The following OGG1 variants were observed in gnomAD, a reference collection of about 807,000 sequenced individuals.
The protein encoded by OGG1 is N-glycosylase/DNA lyase.
Under a neutral mutation model 42.3 loss-of-function variants are expected in OGG1, and 35 were observed. That is an observed-to-expected ratio of 0.83 (90% CI 0.63 to 1.10). OGG1 has a LOEUF of 1.10. Among genes scored for constraint, OGG1 ranks in the 50% least tolerant of loss-of-function variants. OGG1 has a pLI of 0.00. For synonymous variants in OGG1, 189 were observed against 179.0 expected (o/e 1.06, Z -0.44); for missense variants, 484 against 446.7 (o/e 1.08, Z -0.75).
chr3:9,754,649 G>A, intron 3 of OGG1, 55 bp from the exon 4 acceptor site: 1 of 1,591,332 alleles, frequency 6.3e-7, no homozygotes. Flanking sequence ...ACTAGCCTAA[G>A]GACAGGAAGA....
chr3:9,750,261 A>C lies in OGG1; in HGVS notation c.-26A>C. 6.2e-7 allele frequency: 1 copy of C among 1,601,174 alleles called. No individual in the cohort carries two copies. The highest frequency in any genetic ancestry group is 8.5e-7 in the Non-Finnish European group (1 of 1,173,222). ...GGCCTGGTTCTGGGTAGGCGGGGCTACTACGGGGCGGTGCCTGCTGTGGAA... is the reference window on the plus strand; with the variant it reads ...GGCCTGGTTCTGGGTAGGCGGGGCTCCTACGGGGCGGTGCCTGCTGTGGAA... On this transcript the variant is annotated 5_prime_UTR_variant, in exon 1 of 7. Coordinates refer to ENST00000344629, the MANE Select transcript of OGG1 (RefSeq NM_002542.6).
chr3:9,789,384 G>A, downstream of OGG1: 1 of 832,368 alleles, frequency 1.2e-6, no homozygotes, highest in Non-Finnish European at 1.9e-6. Context: ...GGCACTGATG[G>A]AGCAGACAGC....
At chr3:9,773,680 TTTTA>T (rs1393529263) in intron 2 of OGG1, among the ~76,000 whole-genome samples, 5 of 151,408 alleles carry the variant, frequency 3.3e-5, no homozygotes, top group Middle Eastern at 6.8e-3. Context: ...CCATCAATTC[TTTTA>T]TTTATTTATT....
At chr3:9,765,417 A>G (rs1294202990) in intron 7 of OGG1, among the ~76,000 whole-genome samples, 3 of 152,064 alleles carry the variant, frequency 2.0e-5, no homozygotes, top group African/African-American at 7.2e-5. Context: ...AGTGGTTTTA[A>G]TATGTGAGGG....
chr3:9,780,155 C>A (rs760494473), intron 2 of OGG1: 2 of 506,476 alleles, frequency 3.9e-6, no homozygotes, highest in Admixed American at 3.6e-5. Flanking sequence ...GAGACTAGGC[C>A]TCAGGCTAGC....
At chr3:9,763,868 C>G (rs764759668) in intron 7 of OGG1, among the ~76,000 whole-genome samples, 1 of 152,174 alleles carries the variant, frequency 6.6e-6, no homozygotes, top group Non-Finnish European at 1.5e-5. Context: ...TGCCTGTAAT[C>G]CCAGCTATCT....
downstream of OGG1, chr3:9,757,657 G>T (rs375777594): frequency 6.2e-7 from 1 of 1,614,060 alleles, no homozygotes; most frequent in Admixed American, 1.7e-5. The surrounding 1 kb of genome is among the most constrained non-coding windows in gnomAD (Gnocchi z 4.5). Flanking sequence ...GGCCGCAGGG[G>T]CAGGCCCTCC....
Position 9,754,794 on chromosome 3 carries a change from A to G in OGG1, c.656A>G (p.Gln219Arg), listed in dbSNP as rs888583444. 12 of 1,613,624 alleles carry G rather than the reference A, an allele frequency of 7.4e-6. No individual in the cohort carries two copies. The highest frequency in any genetic ancestry group is 1.6e-4 in the Middle Eastern group (1 of 6,084). Residue 219 changes from glutamine to arginine, a missense_variant, in exon 4 of 7, where the codon CAG (glutamine) becomes CGG (arginine). Gln to Arg is a conservative substitution (Grantham distance 43). Coordinates refer to ENST00000344629, the MANE Select transcript of OGG1 (RefSeq NM_002542.6). ...SASARAILEE[Q>R]GGLAWLQQLR... ...AGTGCCCGAGCCATCCTGGAAGAAC[A>G]GGGCGGGCTAGCCTGGCTGCAGCAG... is the stretch of plus-strand genomic sequence containing the variant.
downstream of OGG1, chr3:9,761,229 A>G (rs991852679): frequency 1.5e-5 from 7 of 472,950 alleles, no homozygotes; most frequent in African/African-American, 1.4e-4. Flanking sequence ...CAGCTCCCTG[A>G]GGGCAGGCAC....
chr3:9,785,289 G>A (rs939206804), intron 3 of OGG1: 8 of 1,565,158 alleles, frequency 5.1e-6, no homozygotes, highest in Non-Finnish European at 6.1e-6. Context: ...GGGCCAGACT[G>A]TGGGTTGTGG....
downstream of OGG1, chr3:9,757,968 T>G (rs2077665231): frequency 1.4e-6 from 2 of 1,460,530 alleles, no homozygotes; most frequent in Non-Finnish European, 1.8e-6. This position sits in a 1 kb window ranked among gnomAD's most constrained non-coding sequence, Gnocchi z 4.5. Flanking sequence ...AGTTATTTTA[T>G]TAATTCCCCT....
At chr3:9,764,789 C>T (rs940799884) in intron 7 of OGG1, among the ~76,000 whole-genome samples, 1 of 151,586 alleles carries the variant, frequency 6.6e-6, no homozygotes, top group Non-Finnish European at 1.5e-5. Flanking sequence ...TGTGCCACCA[C>T]GCCTGGCTAA....
At chr3:9,761,863 C>T (rs2077892911), downstream of OGG1, 4 of 1,488,742 alleles carry the variant, frequency 2.7e-6, no homozygotes, top group African/African-American at 5.6e-5. Flanking sequence ...TCCCCAAAAG[C>T]CACTGTGGCT....
intron 2 of OGG1, 47 bp downstream of exon 2, chr3:9,751,239 A>G (rs2077289953): frequency 6.3e-7 from 1 of 1,599,572 alleles, no homozygotes; most frequent in African/African-American, 1.3e-5. Flanking sequence ...GACATAAGTC[A>G]CTTCTCTATG....
At chr3:9,788,760 G>C (rs1262124097), downstream of OGG1, among the ~76,000 whole-genome samples, 1 of 151,258 alleles carries the variant, frequency 6.6e-6, no homozygotes, top group Non-Finnish European at 1.5e-5. Flanking sequence ...GGCTGGTCTT[G>C]AACTCCTGAC....
At chr3:9,761,683 CA>C (rs1559698031), downstream of OGG1, 1 of 1,614,190 alleles carries the variant, frequency 6.2e-7, no homozygotes. Context: ...CCGGGTCCTC[CA>C]TCTTGGAGAG....
chr3:9,786,268 G>C (rs777422051), intron 3 of OGG1, among the ~76,000 whole-genome samples: 3 of 152,106 alleles, frequency 2.0e-5, no homozygotes, highest in Non-Finnish European at 4.4e-5. Flanking sequence ...GGACTGGAGT[G>C]ACAATTACGC....
At position 9,757,240 on chromosome 3, in the gene OGG1, G is replaced by A. The variant is rs2077619007; in HGVS notation, c.*90G>A. ...CCATCCCCACCCAGTCTCATGTTGG[G>A]GAGGGGCCTCCCTGTGACTACCTCA... is the stretch of plus-strand genomic sequence containing the variant. On this transcript the variant is annotated 3_prime_UTR_variant, in exon 7 of 7. Transcript: ENST00000344629. This position sits in a 1 kb window ranked among gnomAD's most constrained non-coding sequence, Gnocchi z 4.5. 1.2e-6 allele frequency: 2 copies of A among 1,613,926 alleles called. No homozygotes were observed. The highest frequency in any genetic ancestry group is 1.7e-6 in the Non-Finnish European group (2 of 1,179,890).
chr3:9,789,994 G>A (rs1016640799), downstream of OGG1: 9 of 1,555,972 alleles, frequency 5.8e-6, no homozygotes, highest in Non-Finnish European at 6.9e-6. Flanking sequence ...CACTGAGGGG[G>A]AGAAGGGAAA....
Sources: allele counts gnomAD v4.1 joint callset (sites outside exome capture counted in the v4.1 genomes callset), GRCh38; gene constraint gnomAD v4.1.1; non-coding constraint Gnocchi (gnomAD v3.1); transcripts MANE v1.5; gene names NCBI Gene and HGNC (gene_info 2026-07-23, HGNC 2026-07-21).